HOMER1: variants seen among roughly 807,000 people sequenced by gnomAD.
HOMER1 encodes homer protein homolog 1.
In HOMER1, 3 loss-of-function variants were observed where a neutral mutation model predicts 48.9. The observed-to-expected ratio is 0.06, with a 90% CI of 0.03 to 0.16. HOMER1 has a LOEUF of 0.16. HOMER1 is among the 10% of genes least tolerant of loss of function. The probability of loss-of-function intolerance (pLI) is 1.00; values close to 1 mark genes in which losing one functional copy is unlikely to be tolerated. For missense variants in HOMER1, 247 were observed against 411.4 expected (o/e 0.60, Z 3.46); for synonymous variants, 134 against 146.4 (o/e 0.92, Z 0.61).
At chr5:79,505,581 T>C (rs941099976) in intron 1 of HOMER1, among the ~76,000 whole-genome samples, 6 of 152,182 alleles carry the variant, frequency 3.9e-5, no homozygotes, top group Admixed American at 2.0e-4. Flanking sequence ...AAAGATAACA[T>C]TGAAACTCTT....
At chr5:79,379,227 AATATATATTATATATTATATATATCTATT>A (rs1289978311) in intron 8 of HOMER1, among the ~76,000 whole-genome samples, 18,109 of 101,612 alleles carry the variant, frequency 0.18, 2,113 homozygotes, top group South Asian at 0.23. Flanking sequence ...ATATATCTAT[AATATATATTATATATTATATATATCTATT>A]ATATATATTA....
chr5:79,424,110 G>T (rs957039521), intron 5 of HOMER1, among the ~76,000 whole-genome samples: 1 of 151,920 alleles, frequency 6.6e-6, no homozygotes, highest in African/African-American at 2.4e-5. Context: ...ATACTGTTAA[G>T]GTAATGACTA....
intron 1 of HOMER1, among the ~76,000 whole-genome samples, chr5:79,512,490 C>T (rs1752970156): frequency 6.6e-6 from 1 of 152,218 alleles, no homozygotes; most frequent in South Asian, 2.1e-4. Context: ...ATGCAGCAGT[C>T]TGACCAGTAA....
At chr5:79,446,727 C>G (rs927840322) in intron 4 of HOMER1, among the ~76,000 whole-genome samples, 1 of 151,640 alleles carries the variant, frequency 6.6e-6, no homozygotes, top group South Asian at 2.1e-4. Context: ...GCAGCCTCGA[C>G]CTCCCAGTCA....
intron 1 of HOMER1, among the ~76,000 whole-genome samples, chr5:79,503,110 A>T (rs1215580293): frequency 2.0e-5 from 3 of 152,154 alleles, no homozygotes; most frequent in Non-Finnish European, 4.4e-5. Context: ...TAACTCCTCA[A>T]AAACTTTACT....
At chr5:79,491,019 T>C (rs1403647377) in intron 1 of HOMER1, among the ~76,000 whole-genome samples, 4 of 135,452 alleles carry the variant, frequency 3.0e-5, no homozygotes, top group Non-Finnish European at 6.1e-5. Context: ...GGATTTTGAT[T>C]GGAAGGGAAC....
chr5:79,412,766 T>C (rs1009654094), intron 5 of HOMER1, among the ~76,000 whole-genome samples: 4 of 152,150 alleles, frequency 2.6e-5, no homozygotes, highest in African/African-American at 9.7e-5. Context: ...ACACAAAGAA[T>C]GAGGAAAATC....
Position 79,376,021 on chromosome 5 carries a change from T to C in HOMER1, c.1053A>G (p.Leu351=), listed in dbSNP as rs1310116839. The C allele has an allele frequency of 6.2e-7, 1 of 1,610,418 alleles. No individual in the cohort carries two copies. The highest frequency in any genetic ancestry group is 8.5e-7 in the Non-Finnish European group (1 of 1,178,018). Reference sequence around the variant, plus strand: ...AATTTCACTTTCCTTAGCTGCATTCTAGTAGCTTGGCCAAGTTATCTCGTA... The same window carrying C: ...AATTTCACTTTCCTTAGCTGCATTCCAGTAGCTTGGCCAAGTTATCTCGTA... ...TELRDNLAKL[L]ECS Residue 351 remains leucine, a synonymous_variant, in exon 9 of 9, where the codon CTA becomes CTG. Coordinates refer to ENST00000334082, the MANE Select transcript of HOMER1 (RefSeq NM_004272.5).
chr5:79,483,290 A>G (rs1379757296), intron 1 of HOMER1, among the ~76,000 whole-genome samples: 1 of 152,182 alleles, frequency 6.6e-6, no homozygotes, highest in African/African-American at 2.4e-5. Flanking sequence ...TATAAAGTAT[A>G]GAAAGAAAAA....
chr5:79,395,150 G>A (rs1442830648), intron 8 of HOMER1, among the ~76,000 whole-genome samples: 1 of 152,102 alleles, frequency 6.6e-6, no homozygotes, highest in Non-Finnish European at 1.5e-5. Context: ...TGAAAATGGG[G>A]ATACCTCACC....
intron 5 of HOMER1, among the ~76,000 whole-genome samples, chr5:79,418,789 T>G (rs1485595634): frequency 6.6e-6 from 1 of 152,222 alleles, no homozygotes; most frequent in Non-Finnish European, 1.5e-5. Context: ...AACTACAATG[T>G]CTTTTTTCAC....
At chr5:79,438,918 C>A in intron 5 of HOMER1, 92 bp downstream of exon 5, 22 of 902,296 alleles carry the variant, frequency 2.4e-5, no homozygotes, top group East Asian at 3.0e-5. Flanking sequence ...CTGGAGTTTT[C>A]ACTCAAAGCT....
At chr5:79,475,740 G>T (rs981695170) in intron 1 of HOMER1, among the ~76,000 whole-genome samples, 1 of 152,086 alleles carries the variant, frequency 6.6e-6, no homozygotes, top group Admixed American at 6.5e-5. Flanking sequence ...GAAGACTCAA[G>T]AACTAGGATA....
At position 79,512,943 on chromosome 5, in the gene HOMER1, A is replaced by C; in HGVS notation, c.-169T>G. The C allele has an allele frequency of 3.2e-6, 2 of 631,760 alleles. No individual in the cohort carries two copies. Among genetic ancestry groups the C allele is most frequent in the Non-Finnish European group, 5.6e-6 (2 of 354,736 alleles). 39.1% of individuals were successfully genotyped at this position (631,760 alleles called of 1,614,324 possible). A position where few individuals can be genotyped will look rare whatever the true frequency, so the allele number is the denominator to read the frequency against. The stretch of plus-strand genomic sequence containing the variant: ...CAATTCAATTAGTTCTCTTAGGTAA[A>C]ATGATTTCTCTCTTGTAAATACCAA... On this transcript the variant is annotated 5_prime_UTR_variant, in exon 1 of 9. It adds an upstream start codon to the 5' untranslated region. Transcript: ENST00000334082.
intron 3 of HOMER1, among the ~76,000 whole-genome samples, chr5:79,448,652 T>G (rs1221132936): frequency 6.6e-6 from 1 of 152,204 alleles, no homozygotes; most frequent in Non-Finnish European, 1.5e-5. Flanking sequence ...TTTTAACTGA[T>G]AAAACAAGCT....
chr5:79,396,972 T>A, intron 7 of HOMER1, 69 bp from the exon 8 acceptor site: 1 of 805,176 alleles, frequency 1.2e-6, no homozygotes, highest in Non-Finnish European at 2.0e-6. Context: ...TGTTTTTCCC[T>A]GAAATTATTG....
chr5:79,500,953 GAGAC>G (rs1268308423), intron 1 of HOMER1, among the ~76,000 whole-genome samples: 9 of 113,820 alleles, frequency 7.9e-5, no homozygotes, highest in African/African-American at 1.0e-4. Context: ...GTGTGTGTGT[GAGAC>G]AGACAGACAC....
intron 8 of HOMER1, among the ~76,000 whole-genome samples, chr5:79,383,634 T>A (rs969892902): frequency 6.6e-6 from 1 of 152,110 alleles, no homozygotes; most frequent in African/African-American, 2.4e-5. Flanking sequence ...TCTGCCCACC[T>A]TGGCCTCTCA....
At chr5:79,450,869 G>T in intron 3 of HOMER1, 121 bp downstream of exon 3, 4 of 929,696 alleles carry the variant, frequency 4.3e-6, no homozygotes, top group South Asian at 2.1e-5. Flanking sequence ...AGTCACTACT[G>T]CTGTTTCGAG....
Sources: gnomAD v4.1 joint callset for allele counts (sites outside exome capture counted in the v4.1 genomes callset) on GRCh38, gnomAD v4.1.1 for gene constraint, MANE v1.5 for transcripts, NCBI Gene and HGNC (gene_info 2026-07-23, HGNC 2026-07-21) for gene names.